Variants in EHMT1 observed in about 807,000 individuals in gnomAD.
The protein encoded by EHMT1 is histone-lysine N-methyltransferase EHMT1.
In EHMT1, 15 loss-of-function variants were observed where a neutral mutation model predicts 147.2. The ratio of observed to expected loss-of-function variants is 0.10; its 90% confidence interval spans 0.07 to 0.16. EHMT1 has a LOEUF of 0.16. EHMT1 is among the 10% of genes least tolerant of loss of function. EHMT1 has a pLI of 1.00. For missense variants in EHMT1, 1,587 were observed against 1,772.4 expected (o/e 0.90, Z 1.88); for synonymous variants, 795 against 709.6 (o/e 1.12, Z -1.91).
chr9:137,665,755 G>T (rs773166388), intron 1 of EHMT1, among the ~76,000 whole-genome samples: 1 of 152,222 alleles, frequency 6.6e-6, no homozygotes, highest in East Asian at 1.9e-4. Context: ...TAAATGTCTC[G>T]TTAAATGGTT....
chr9:137,684,845 TATATGTATGTTTAAA>T (rs1942288841), intron 1 of EHMT1, among the ~76,000 whole-genome samples: 1 of 152,226 alleles, frequency 6.6e-6, no homozygotes, highest in Non-Finnish European at 1.5e-5. Context: ...TCAGGAAGTT[TATATGTATGTTTAAA>T]ATATATATGT....
intron 15 of EHMT1, chr9:137,788,935 G>A (rs1181339056): frequency 2.0e-5 from 3 of 152,634 alleles, no homozygotes; most frequent in Non-Finnish European, 2.9e-5. Flanking sequence ...TGGGGGGCGC[G>A]ACCTGTTTCT....
chr9:137,807,298 G>A (rs1048072151), intron 18 of EHMT1, among the ~76,000 whole-genome samples: 4 of 151,892 alleles, frequency 2.6e-5, no homozygotes, highest in African/African-American at 4.8e-5. Context: ...TTGTCTTCTA[G>A]TCCACTCATC....
chr9:137,776,428 G>A lies in EHMT1; in HGVS notation c.1792-190G>A, dbSNP rs1025286009. ...GGCTTCAGCTTCTTCTCTGTGGGGC[G>A]AGAGCACCACGGGAAGCATCGTTCC... On this transcript the variant is annotated intron_variant, in intron 11 of 26. Transcript: ENST00000460843. The surrounding 1 kb of genome is among the most constrained non-coding windows in gnomAD (Gnocchi z 4.4). 6.9e-6 allele frequency: 4 copies of A among 577,098 alleles called. No individual in the cohort carries two copies. Among genetic ancestry groups the A allele is most frequent in the South Asian group, 3.9e-5 (2 of 51,918 alleles). 35.7% of individuals were successfully genotyped at this position (577,098 alleles called of 1,614,324 possible).
chr9:137,759,143 AAAC>A (rs1207149538), intron 9 of EHMT1, among the ~76,000 whole-genome samples: 2 of 152,040 alleles, frequency 1.3e-5, no homozygotes, highest in Non-Finnish European at 2.9e-5. Flanking sequence ...AAAAAACAAA[AAAC>A]AACAACAGCA....
intron 1 of EHMT1, among the ~76,000 whole-genome samples, chr9:137,644,746 G>A (rs1263934694): frequency 6.6e-6 from 1 of 152,158 alleles, no homozygotes; most frequent in Admixed American, 6.5e-5. Flanking sequence ...TTGAGATCTA[G>A]TCATTGTTTC....
intron 3 of EHMT1, 96 bp downstream of exon 3, chr9:137,717,278 G>A: frequency 6.1e-6 from 9 of 1,477,298 alleles, no homozygotes; most frequent in Non-Finnish European, 5.5e-6. Flanking sequence ...AAGCCAGTAA[G>A]TGTCAGTGGT....
At chr9:137,750,326 G>A (rs1436505745) in intron 6 of EHMT1, among the ~76,000 whole-genome samples, 3 of 152,194 alleles carry the variant, frequency 2.0e-5, no homozygotes, top group Non-Finnish European at 4.4e-5. Context: ...ATTTGGCCTC[G>A]TTCTCCACAC....
chr9:137,734,307 A>G (rs1947352925), intron 4 of EHMT1, among the ~76,000 whole-genome samples: 1 of 152,254 alleles, frequency 6.6e-6, no homozygotes, highest in Non-Finnish European at 1.5e-5. Flanking sequence ...GTAAAAAGGA[A>G]CCAAAAGAAA....
chr9:137,728,418 A>G lies in EHMT1; in HGVS notation c.712A>G (p.Asn238Asp), dbSNP rs754874664. ...RDHKEPKEEI[N>D]KNISDFGRQQ... ...TCATAAGGAACCAAAAGAGGAGATC[A>G]ACAAAAACATTTCTGACTTTGGACG... Residue 238 changes from asparagine to aspartate, a missense_variant, in exon 4 of 27, where the codon AAC (asparagine) becomes GAC (aspartate). This residue lies in a region of EHMT1 where 810 missense variants were observed against 673.0 expected (regional missense o/e 1.20). Coordinates refer to ENST00000460843, the MANE Select transcript of EHMT1 (RefSeq NM_024757.5). The G allele has an allele frequency of 1.2e-6, 2 of 1,614,210 alleles. No homozygotes were observed. The highest frequency in any genetic ancestry group is 1.7e-6 in the Non-Finnish European group (2 of 1,180,032).
Position 137,711,735 on chromosome 9 carries a change from C to T in EHMT1, c.85+705C>T, listed in dbSNP as rs559917300. Among the ~76,000 whole-genome samples, 20 of 152,222 alleles carry T rather than the reference C, an allele frequency of 1.3e-4. No individual in the cohort carries two copies. The South Asian group carries it at 4.2e-3, about 32-fold the overall frequency. On this transcript the variant is annotated intron_variant, in intron 2 of 26. Transcript: ENST00000460843. ...GAGAGCCTGCACCACCAAGAGCGCC[C>T]CCAGGAAATGAGGGCAGGTGGCGCC...
At chr9:137,724,951 C>CGTGTGGCACTCCTGTGGCAGGT (rs1946457338) in intron 3 of EHMT1, among the ~76,000 whole-genome samples, 1 of 143,364 alleles carries the variant, frequency 7.0e-6, no homozygotes, top group Non-Finnish European at 1.5e-5. Context: ...GTGGGGCAGG[C>CGTGTGGCACTCCTGTGGCAGGT]GTGTGGCATT....
At chr9:137,743,661 G>T in intron 5 of EHMT1, 133 bp downstream of exon 5, 1 of 1,358,432 alleles carries the variant, frequency 7.4e-7, no homozygotes, top group East Asian at 2.3e-5. Context: ...CTCTGCCATA[G>T]GGGCAGAGTG....
chr9:137,724,811 GTGTGGCATTCGTGTGGTAGACT>G (rs1165173583), intron 3 of EHMT1, among the ~76,000 whole-genome samples: 31 of 152,266 alleles, frequency 2.0e-4, no homozygotes, highest in Non-Finnish European at 3.5e-4. Flanking sequence ...TACAGCAGAC[GTGTGGCATTCGTGTGGTAGACT>G]TGTGGCATTC....
At chr9:137,815,464 A>G in intron 22 of EHMT1, 1 of 244,816 alleles carries the variant, frequency 4.1e-6, no homozygotes, top group South Asian at 5.6e-5. Flanking sequence ...GCCCTGGGGG[A>G]GCATCTGCAC....
chr9:137,634,177 C>A (rs1196553098), intron 1 of EHMT1, among the ~76,000 whole-genome samples: 2 of 152,116 alleles, frequency 1.3e-5, no homozygotes, highest in African/African-American at 4.8e-5. Context: ...ATGAAATCCA[C>A]CTTCTTGTTT....
At chr9:137,795,137 A>T (rs544432621) in intron 16 of EHMT1, 2 of 152,306 alleles carry the variant, frequency 1.3e-5, no homozygotes, top group South Asian at 4.2e-4. Context: ...AGACTGATTG[A>T]TCTAAACAAG....
chr9:137,813,646 TC>T lies in EHMT1; in HGVS notation c.3180+119del. ...AGAGCAGGAGGGCTTATGGGGGGCTTCCCAGGAAGACCTCATTCTCTTTGTA... is the reference window on the plus strand; with the variant it reads ...AGAGCAGGAGGGCTTATGGGGGGCTTCCAGGAAGACCTCATTCTCTTTGTA... On this transcript the variant is annotated intron_variant, in intron 21 of 26. Coordinates refer to ENST00000460843, the MANE Select transcript of EHMT1 (RefSeq NM_024757.5). This position sits in a 1 kb window ranked among gnomAD's most constrained non-coding sequence, Gnocchi z 4.9. 1.4e-6 allele frequency: 2 copies of T among 1,430,450 alleles called. No individual in the cohort carries two copies. The highest frequency in any genetic ancestry group is 1.9e-6 in the Non-Finnish European group (2 of 1,043,886). 88.6% of individuals were successfully genotyped at this position (1,430,450 alleles called of 1,614,324 possible). A position where few individuals can be genotyped will look rare whatever the true frequency, so the allele number is the denominator to read the frequency against.
intron 1 of EHMT1, chr9:137,675,264 T>A (rs1189632225): frequency 6.6e-6 from 1 of 152,176 alleles, no homozygotes; most frequent in East Asian, 1.9e-4. Flanking sequence ...GATGCTAGAC[T>A]GAAAAGGGGA....
Sources: allele counts gnomAD v4.1 joint callset (sites outside exome capture counted in the v4.1 genomes callset), GRCh38; gene constraint gnomAD v4.1.1; regional missense constraint gnomAD v4.1.1; non-coding constraint Gnocchi (gnomAD v3.1); transcripts MANE v1.5; gene names NCBI Gene and HGNC (gene_info 2026-07-23, HGNC 2026-07-21).